The following ATAD5 variants were observed in gnomAD, a reference collection of about 807,000 sequenced individuals.
ATAD5 encodes ATPase family AAA domain-containing protein 5.
Under a neutral mutation model 176.9 loss-of-function variants are expected in ATAD5, and 58 were observed. That is an observed-to-expected ratio of 0.33 (90% confidence interval 0.27 to 0.41). ATAD5 has a LOEUF of 0.41. ATAD5 is among the 10% of genes least tolerant of loss of function. ATAD5 has a pLI of 1.00. For synonymous variants in ATAD5, 640 were observed against 712.6 expected (o/e 0.90, Z 1.62); for missense variants, 1,789 against 2,094.1 (o/e 0.85, Z 2.84).
chr17:30,863,656 G>A (rs113861940), intron 10 of ATAD5, among the ~76,000 whole-genome samples: 13,556 of 141,132 alleles, frequency 0.096, 1,919 homozygotes, highest in African/African-American at 0.32. Context: ...GTGAGCCACC[G>A]CGTCCGGCTT....
Position 30,832,306 on chromosome 17 carries a change from C to A in ATAD5, c.-42C>A. 1 of 1,481,060 alleles carries A rather than the reference C, an allele frequency of 6.8e-7. No individual in the cohort carries two copies. Among genetic ancestry groups the A allele is most frequent in the Middle Eastern group, 1.8e-4 (1 of 5,484 alleles). 91.7% of individuals were successfully genotyped at this position (1,481,060 alleles called of 1,614,324 possible). A position where few individuals can be genotyped will look rare whatever the true frequency, so the allele number is the denominator to read the frequency against. On this transcript the variant is annotated 5_prime_UTR_variant, in exon 1 of 23. Coordinates refer to ENST00000321990, the MANE Select transcript of ATAD5 (RefSeq NM_024857.5). ...GGCCTCCAGGCAGGCCGGGCTGGAC[C>A]GCGTGAGGTCCTAGGAGACGGGATT...
chr17:30,883,776 C>T (rs1909158528), intron 18 of ATAD5, among the ~76,000 whole-genome samples: 1 of 152,070 alleles, frequency 6.6e-6, no homozygotes, highest in South Asian at 2.1e-4. Flanking sequence ...GTTTCGATCT[C>T]CTGACCTCGT....
chr17:30,832,385 C>T lies in ATAD5; in HGVS notation c.38C>T (p.Pro13Leu), dbSNP rs765041391. The T allele has an allele frequency of 7.0e-6, 11 of 1,562,892 alleles. No homozygotes were observed. In the South Asian group the frequency reaches 1.2e-4, roughly 17 times the overall value. Reference protein sequence around the residue: ...GVLAMAAAAAPPPVKDCEIEP... With the variant: ...GVLAMAAAAALPPVKDCEIEP... ...CTGGCCATGGCGGCTGCAGCTGCTC[C>T]GCCTCCCGTGAAGGACTGCGAGATT... The change falls in exon 1 of 23, where the codon CCG (proline) becomes CTG (leucine). Residue 13 changes from proline (P) to leucine (L), a missense_variant. Transcript: ENST00000321990.
At chr17:30,889,603 A>AT (rs1909514065) in intron 19 of ATAD5, among the ~76,000 whole-genome samples, 1 of 150,862 alleles carries the variant, frequency 6.6e-6, no homozygotes. Flanking sequence ...TTTATTTCTT[A>AT]TTTTTTTTCA....
intron 6 of ATAD5, among the ~76,000 whole-genome samples, chr17:30,846,491 C>T (rs945804020): frequency 5.3e-5 from 8 of 151,510 alleles, no homozygotes; most frequent in African/African-American, 1.9e-4. Flanking sequence ...CAACCTCTGC[C>T]TCCCGGGTTC....
chr17:30,868,003 G>A (rs1908100652), intron 11 of ATAD5, among the ~76,000 whole-genome samples: 1 of 152,110 alleles, frequency 6.6e-6, no homozygotes, highest in Admixed American at 6.6e-5. Context: ...TTTCCTGTTA[G>A]AGGCTAATAT....
At chr17:30,860,662 C>A in intron 10 of ATAD5, 50 bp downstream of exon 10, 1 of 1,413,194 alleles carries the variant, frequency 7.1e-7, no homozygotes, top group Non-Finnish European at 9.4e-7. Flanking sequence ...TGAGGACATG[C>A]AAAGTGGAAA....
Position 30,894,998 on chromosome 17 carries a change from T to G in ATAD5, c.*85T>G. 1 of 859,334 alleles carries G rather than the reference T, an allele frequency of 1.2e-6. No homozygotes were observed. The highest frequency in any genetic ancestry group is 1.7e-6 in the Non-Finnish European group (1 of 592,542). 53.2% of individuals were successfully genotyped at this position (859,334 alleles called of 1,614,324 possible). Reference sequence around the variant, plus strand: ...TATTATGTGGATCTTCATGGAAAAGTATATTTCTCGATGTACATTTTAAAC... The same window carrying G: ...TATTATGTGGATCTTCATGGAAAAGGATATTTCTCGATGTACATTTTAAAC... On this transcript the variant is annotated 3_prime_UTR_variant, in exon 23 of 23. Coordinates refer to ENST00000321990, the MANE Select transcript of ATAD5 (RefSeq NM_024857.5).
At chr17:30,860,633 C>A (rs1210572734) in intron 10 of ATAD5, 21 bp downstream of exon 10, 2 of 1,523,306 alleles carry the variant, frequency 1.3e-6, no homozygotes, top group African/African-American at 1.4e-5. Context: ...TAAAACATCC[C>A]AAAAGAAATA....
intron 14 of ATAD5, chr17:30,869,885 C>T (rs907342074): frequency 6.9e-6 from 3 of 436,814 alleles, no homozygotes; most frequent in East Asian, 5.0e-5. Flanking sequence ...ACTATAATAT[C>T]GTAATCAGAC....
chr17:30,841,872 T>G (rs1470505536), intron 4 of ATAD5, among the ~76,000 whole-genome samples: 3 of 152,196 alleles, frequency 2.0e-5, no homozygotes, highest in Non-Finnish European at 4.4e-5. Flanking sequence ...TGTTTTCACT[T>G]TTTGGCTATT....
Position 30,843,952 on chromosome 17 carries a change from A to C in ATAD5, c.2281A>C (p.Lys761Gln), listed in dbSNP as rs545881440. Reference sequence around the variant, plus strand: ...AATAGATTCAAGTCCTACTGCTTTAAAGCATCCAGAGAAAAATCAGAAGAA... The same window carrying C: ...AATAGATTCAAGTCCTACTGCTTTACAGCATCCAGAGAAAAATCAGAAGAA... ...IIIDSSPTAL[K>Q]HPEKNQKKLQ... is the part of the protein sequence containing the mutation. Residue 761 changes from lysine to glutamine, a missense_variant, in exon 5 of 23, where the codon AAG (lysine) becomes CAG (glutamine). Physicochemically the swap from Lys to Gln is moderately conservative, Grantham distance 53. This residue lies in a region of ATAD5 where 487 missense variants were observed against 573.6 expected (regional missense o/e 0.85). Transcript: ENST00000321990. 2 of 1,511,910 alleles carry C rather than the reference A, an allele frequency of 1.3e-6. No individual in the cohort carries two copies. The highest frequency in any genetic ancestry group is 2.8e-5 in the African/African-American group (2 of 71,718). 93.7% of individuals were successfully genotyped at this position (1,511,910 alleles called of 1,614,324 possible). A position where few individuals can be genotyped will look rare whatever the true frequency, so the allele number is the denominator to read the frequency against.
chr17:30,854,990 C>T (rs776517306), intron 6 of ATAD5, among the ~76,000 whole-genome samples, 153 bp from the exon 7 acceptor site: 1 of 151,988 alleles, frequency 6.6e-6, no homozygotes, highest in Non-Finnish European at 1.5e-5. Flanking sequence ...AAATCCTTGC[C>T]TTAAGTGATC....
At chr17:30,867,305 TG>T (rs1832842260) in intron 11 of ATAD5, among the ~76,000 whole-genome samples, 1 of 151,792 alleles carries the variant, frequency 6.6e-6, no homozygotes, top group South Asian at 2.1e-4. Context: ...GAGCCTGAGG[TG>T]GGAGGGTCAC....
chr17:30,839,014 C>G (rs1881295981), intron 3 of ATAD5, among the ~76,000 whole-genome samples: 1 of 152,010 alleles, frequency 6.6e-6, no homozygotes, highest in South Asian at 2.1e-4. Context: ...TTTGTAGAGA[C>G]AGGGTCTTGC....
At chr17:30,887,459 G>A in intron 19 of ATAD5, 87 bp downstream of exon 19, 2 of 1,125,950 alleles carry the variant, frequency 1.8e-6, no homozygotes, top group Non-Finnish European at 2.6e-6. Context: ...GCTCATGCCT[G>A]TAATCCCAGC....
Position 30,878,109 on chromosome 17 carries a change from G to A in ATAD5, c.4012+13G>A. 2 of 1,558,668 alleles carry A rather than the reference G, an allele frequency of 1.3e-6. No homozygotes were observed. The highest frequency in any genetic ancestry group is 1.8e-6 in the Non-Finnish European group (2 of 1,135,938). ...CTTACTACAAGTGGTAGGTAACAAT[G>A]ATTTTACTTCAGTTAAACAGTTACT... On this transcript the variant is annotated intron_variant, in intron 17 of 22. Transcript: ENST00000321990.
chr17:30,876,982 G>T (rs1276389823), intron 15 of ATAD5, among the ~76,000 whole-genome samples: 6 of 151,940 alleles, frequency 3.9e-5, no homozygotes, highest in Admixed American at 3.9e-4. Flanking sequence ...ATCCCAAAGT[G>T]CTGGGATTAC....
At chr17:30,832,571 T>C (rs746763818) in intron 1 of ATAD5, among the ~76,000 whole-genome samples, 158 bp downstream of exon 1, 4 of 152,092 alleles carry the variant, frequency 2.6e-5, no homozygotes, top group Non-Finnish European at 5.9e-5. Context: ...GTTGCCAGAG[T>C]GTGTCGTTTA....
Sources: allele counts gnomAD v4.1 joint callset (sites outside exome capture counted in the v4.1 genomes callset), GRCh38; gene constraint gnomAD v4.1.1; regional missense constraint gnomAD v4.1.1; transcripts MANE v1.5; gene names NCBI Gene and HGNC (gene_info 2026-07-23, HGNC 2026-07-21).